Variants in NPSR1 observed in about 807,000 individuals in gnomAD.
The protein encoded by NPSR1 is neuropeptide S receptor.
In NPSR1, 48 loss-of-function variants were observed where a neutral mutation model predicts 46.9. That is an observed-to-expected ratio of 1.02 (90% CI 0.81 to 1.30). The LOEUF (loss-of-function observed/expected upper bound fraction) is 1.30, where lower values mean the gene tolerates loss of function less well. Among genes scored for constraint, NPSR1 ranks in the 50% most tolerant of loss-of-function variants. The probability of loss-of-function intolerance (pLI) is 0.00; values close to 1 mark genes in which losing one functional copy is unlikely to be tolerated. For synonymous variants in NPSR1, 176 were observed against 168.1 expected (o/e 1.05, Z -0.36); for missense variants, 450 against 449.5 (o/e 1.00, Z -0.01).
At chr7:34,698,681 G>A (rs1793660480) in intron 2 of NPSR1, among the ~76,000 whole-genome samples, 1 of 152,134 alleles carries the variant, frequency 6.6e-6, no homozygotes, top group South Asian at 2.1e-4. Context: ...CAATTTGTGA[G>A]GTAGAATATT....
chr7:34,837,319 G>A (rs1440734819), intron 6 of NPSR1, among the ~76,000 whole-genome samples: 2 of 152,024 alleles, frequency 1.3e-5, no homozygotes, highest in Non-Finnish European at 2.9e-5. Context: ...ACATATATTT[G>A]CCATGCACTT....
chr7:34,751,769 G>T (rs1443952693), intron 2 of NPSR1: 8 of 1,587,864 alleles, frequency 5.0e-6, no homozygotes, highest in Non-Finnish European at 6.1e-6. Flanking sequence ...TCCAGGGCCT[G>T]TTTTGCACAG....
chr7:34,776,585 T>C (rs1452130506), intron 2 of NPSR1, among the ~76,000 whole-genome samples: 2 of 152,204 alleles, frequency 1.3e-5, no homozygotes, highest in Non-Finnish European at 2.9e-5. Flanking sequence ...TCCGCCTACA[T>C]ATGCCTTATG....
intron 8 of NPSR1, among the ~76,000 whole-genome samples, chr7:34,873,404 A>T (rs558634184): frequency 6.6e-6 from 1 of 151,872 alleles, no homozygotes; most frequent in East Asian, 1.9e-4. Context: ...TATAAAAAAA[A>T]GTACCTGAGG....
chr7:34,843,764 C>T (rs961388082), intron 6 of NPSR1, among the ~76,000 whole-genome samples: 4 of 152,266 alleles, frequency 2.6e-5, no homozygotes, highest in South Asian at 2.1e-4. Context: ...AAATTTCAAA[C>T]GTGAGAGCTG....
intron 2 of NPSR1, among the ~76,000 whole-genome samples, chr7:34,707,295 C>T (rs951364979): frequency 1.3e-5 from 2 of 152,166 alleles, no homozygotes; most frequent in African/African-American, 2.4e-5. Flanking sequence ...GAGGGGGATT[C>T]TTACATCTTC....
intron 2 of NPSR1, among the ~76,000 whole-genome samples, chr7:34,691,348 G>A (rs966784446): frequency 6.6e-6 from 1 of 152,062 alleles, no homozygotes; most frequent in Admixed American, 6.6e-5. Flanking sequence ...CACTGTGACA[G>A]GAACACAACC....
intron 2 of NPSR1, among the ~76,000 whole-genome samples, chr7:34,725,112 CACACACACACACAG>C (rs1215896337): frequency 6.6e-6 from 1 of 151,316 alleles, no homozygotes; most frequent in Non-Finnish European, 1.5e-5. Context: ...CACACACACA[CACACACACACACAG>C]ACACACACAC....
At position 34,709,882 on chromosome 7, in the gene NPSR1, A is replaced by G. The variant is rs35294851; in HGVS notation, c.280+25198A>G. Among the ~76,000 whole-genome samples, 766 of 152,350 alleles carry G rather than the reference A, an allele frequency of 5.0e-3. 6 individuals are homozygous for G. Among genetic ancestry groups the G allele is most frequent in the African/African-American group, 0.017 (710 of 41,590 alleles). On this transcript the variant is annotated intron_variant, in intron 2 of 8. Transcript: ENST00000360581. ...CAAAAAAAAAAGATGAGAAGGAGAA[A>G]CCATTATTCTTCTGTAGCAGGGCTA...
Position 34,709,086 on chromosome 7 carries a change from G to T in NPSR1, c.280+24402G>T, listed in dbSNP as rs1430933175. Among the ~76,000 whole-genome samples, 8 of 152,170 alleles carry T rather than the reference G, an allele frequency of 5.3e-5. No homozygotes were observed. The East Asian group carries it at 9.6e-4, about 18-fold the overall frequency. On this transcript the variant is annotated intron_variant, in intron 2 of 8. Coordinates refer to ENST00000360581, the MANE Select transcript of NPSR1 (RefSeq NM_207172.2). Reference sequence around the variant, plus strand: ...AAAAAGGAATAAGGAGCCAGGAGTTGCAGGGTCATTCTTCTCCTCAAGAGG... The same window carrying T: ...AAAAAGGAATAAGGAGCCAGGAGTTTCAGGGTCATTCTTCTCCTCAAGAGG...
At chr7:34,857,848 A>C (rs1791084570) in intron 8 of NPSR1, among the ~76,000 whole-genome samples, 1 of 151,854 alleles carries the variant, frequency 6.6e-6, no homozygotes, top group African/African-American at 2.4e-5. Context: ...CAAATCAGTA[A>C]GAAAAAGATT....
rs900892461 is a variant in NPSR1 at position 34,859,440 on chromosome 7, A to G, written c.1025+10777A>G. On this transcript the variant is annotated intron_variant, in intron 8 of 8. Transcript: ENST00000359791. ...AGAGTGGAGATCTGAAGTGCATAAT[A>G]CCCCACTATGCGGTGATGTTAGCCC... Among the ~76,000 whole-genome samples, 11 of 151,094 alleles carry G rather than the reference A, an allele frequency of 7.3e-5. 1 individual carries two copies. The highest frequency in any genetic ancestry group is 2.5e-4 in the African/African-American group (10 of 40,670).
At chr7:34,664,725 C>A (rs1244645356) in intron 1 of NPSR1, among the ~76,000 whole-genome samples, 1 of 151,978 alleles carries the variant, frequency 6.6e-6, no homozygotes, top group Non-Finnish European at 1.5e-5. Context: ...ATTATCTAAG[C>A]AAACTTAATG....
At chr7:34,776,229 G>A (rs1163583027) in intron 2 of NPSR1, among the ~76,000 whole-genome samples, 1 of 152,090 alleles carries the variant, frequency 6.6e-6, no homozygotes, top group East Asian at 1.9e-4. Context: ...GGTCTATAGC[G>A]CAGATTAACT....
chr7:34,692,032 G>T (rs1272813069), intron 2 of NPSR1, among the ~76,000 whole-genome samples: 2 of 152,176 alleles, frequency 1.3e-5, no homozygotes, highest in Non-Finnish European at 2.9e-5. Flanking sequence ...TTGCAAGGCT[G>T]AGCTGGAAGG....
At chr7:34,748,758 G>A (rs756601536) in intron 2 of NPSR1, among the ~76,000 whole-genome samples, 41 of 152,068 alleles carry the variant, frequency 2.7e-4, no homozygotes, top group South Asian at 6.2e-4. Context: ...CTTTGCTGGA[G>A]TGGGGGAAAT....
At chr7:34,785,221 G>A (rs1329002554) in intron 3 of NPSR1, among the ~76,000 whole-genome samples, 2 of 151,978 alleles carry the variant, frequency 1.3e-5, no homozygotes, top group African/African-American at 2.4e-5. Context: ...ATGAGTTCAT[G>A]TCCTTTGTAG....
chr7:34,782,032 C>T (rs1218190258), intron 3 of NPSR1, among the ~76,000 whole-genome samples: 1 of 152,172 alleles, frequency 6.6e-6, no homozygotes, highest in Non-Finnish European at 1.5e-5. Flanking sequence ...AGCAGGGGCA[C>T]CTGTGCCCTG....
Position 34,792,699 on chromosome 7 carries a change from A to ATG in NPSR1, c.384+14134_384+14135insTG, listed in dbSNP as rs1787971426. On this transcript the variant is annotated intron_variant, in intron 3 of 8. Coordinates refer to ENST00000360581, the MANE Select transcript of NPSR1 (RefSeq NM_207172.2). ...TGTATATATATATATGTATATATAT[A>ATG]CGTATATATATATATTTATATATAT... is the stretch of plus-strand genomic sequence containing the variant. Among the ~76,000 whole-genome samples, 3 of 88,934 alleles carry ATG rather than the reference A, an allele frequency of 3.4e-5. No individual in the cohort carries two copies. In the Admixed American group the frequency reaches 3.9e-4, roughly 12 times the overall value. 58.3% of individuals were successfully genotyped at this position (88,934 alleles called of 152,430 possible).
Sources: allele counts gnomAD v4.1 joint callset (sites outside exome capture counted in the v4.1 genomes callset), GRCh38; gene constraint gnomAD v4.1.1; transcripts MANE v1.5; gene names NCBI Gene and HGNC (gene_info 2026-07-23, HGNC 2026-07-21).